Variants in PXDN observed in about 807,000 individuals in gnomAD.
PXDN encodes peroxidasin homolog.
In PXDN, 77 loss-of-function variants were observed where a neutral mutation model predicts 140.3. The ratio of observed to expected loss-of-function variants is 0.55; its 90% CI spans 0.46 to 0.66. The LOEUF is 0.66. PXDN is among the 30% of genes least tolerant of loss of function. PXDN has a pLI of 0.00. For synonymous variants in PXDN, 911 were observed against 857.4 expected (o/e 1.06, Z -1.09); for missense variants, 1,838 against 2,039.5 (o/e 0.90, Z 1.90).
At chr2:1,709,034 A>G (rs1356698224) in intron 1 of PXDN, among the ~76,000 whole-genome samples, 1 of 152,128 alleles carries the variant, frequency 6.6e-6, no homozygotes, top group African/African-American at 2.4e-5. Context: ...TCACCGCGGG[A>G]GGGAGCTGGT....
At chr2:1,634,768 T>C (rs1682505377) in intron 22 of PXDN, among the ~76,000 whole-genome samples, 1 of 152,146 alleles carries the variant, frequency 6.6e-6, no homozygotes, top group South Asian at 2.1e-4. Context: ...CCTGACCAGC[T>C]CAGGGACACT....
Position 1,743,682 on chromosome 2 carries a change from AGGG to A in PXDN, c.200+571_200+573del, listed in dbSNP as rs1216823178. On this transcript the variant is annotated intron_variant, in intron 1 of 22. Transcript: ENST00000252804. ...GGAGGGGAAGGGAGGAGGAGGAGGAAGGGGAGGAGGAGGAGGAAGGGGAGGAGG... is the reference window on the plus strand; with the variant it reads ...GGAGGGGAAGGGAGGAGGAGGAGGAAGAGGAGGAGGAGGAAGGGGAGGAGG... Among the ~76,000 whole-genome samples, 9 of 16,812 alleles carry A rather than the reference AGGG, an allele frequency of 5.4e-4. No individual in the cohort carries two copies. The East Asian group carries it at 8.1e-3, about 15-fold the overall frequency. 11.0% of individuals were successfully genotyped at this position (16,812 alleles called of 152,430 possible).
At position 1,725,486 on chromosome 2, in the gene PXDN, C is replaced by T. The variant is rs540227202; in HGVS notation, c.200+18770G>A. On this transcript the variant is annotated intron_variant, in intron 1 of 22. Coordinates refer to ENST00000252804, the MANE Select transcript of PXDN (RefSeq NM_012293.3). ...AACCATAAAAACCCTAGAAGAAAAC[C>T]TAGGCATTACCATTCAGGACATAGG... Among the ~76,000 whole-genome samples the T allele has an allele frequency of 2.6e-3, 388 of 151,810 alleles. 4 individuals are homozygous for T. The highest frequency in any genetic ancestry group is 5.0e-3 in the East Asian group (26 of 5,156).
rs1186686093 is a variant in PXDN at position 1,658,473 on chromosome 2, T to C, written c.1837+2408A>G. 2.6e-5 allele frequency among the ~76,000 whole-genome samples: 4 copies of C among 151,728 alleles called. No individual in the cohort carries two copies. In the South Asian group the frequency reaches 6.2e-4, roughly 24 times the overall value. On this transcript the variant is annotated intron_variant, in intron 14 of 22. Transcript: ENST00000252804. ...TGCCAGGCCCCCTCAGATCTGCTAC[T>C]GGCCACGAGCCCAGGGACCAGCCCC...
Position 1,634,219 on chromosome 2 carries a change from C to A in PXDN, c.4425G>T (p.Ala1475=). 6.3e-7 allele frequency: 1 copy of A among 1,591,222 alleles called. No individual in the cohort carries two copies. Among genetic ancestry groups the A allele is most frequent in the East Asian group, 2.3e-5 (1 of 43,842 alleles). ...ACCPVCLQKR[A]EEKP is the part of the protein sequence containing the mutation. ...TCCCAGGAGCCTAGGGCTTTTCCTC[C>A]GCCCTCTTCTGTAAGCAGACTGGAC... Residue 1475 remains alanine (A), a synonymous_variant, in exon 23 of 23, where the codon GCG becomes GCT. Coordinates refer to ENST00000252804, the MANE Select transcript of PXDN (RefSeq NM_012293.3).
At chr2:1,664,381 G>C (rs1319112426) in intron 11 of PXDN, 1 of 156,882 alleles carries the variant, frequency 6.4e-6, no homozygotes. Context: ...AGCAGTTTCA[G>C]CTCCTGCCCT....
At chr2:1,661,672 T>C (rs779454759) in intron 13 of PXDN, among the ~76,000 whole-genome samples, 1 of 152,184 alleles carries the variant, frequency 6.6e-6, no homozygotes, top group Non-Finnish European at 1.5e-5. Context: ...CACATTTTCC[T>C]ACTGAGCTTA....
intron 6 of PXDN, 110 bp downstream of exon 6, chr2:1,683,546 A>AC: frequency 2.3e-6 from 1 of 434,334 alleles, no homozygotes; most frequent in Non-Finnish European, 3.5e-6. Context: ...ATTCTTTCAG[A>AC]ATCAGATTGT....
rs1452395781 is a variant in PXDN, at chr2:1,642,715, T to C, written c.3952+653A>G. On this transcript the variant is annotated intron_variant, in intron 19 of 22. Coordinates refer to ENST00000252804, the MANE Select transcript of PXDN (RefSeq NM_012293.3). ...GTTAACCAAGACTGGGAGTTAGGAA[T>C]GCGAAGCAGGAACTCAGCCAGGAGA... Among the ~76,000 whole-genome samples, 3 of 152,224 alleles carry C rather than the reference T, an allele frequency of 2.0e-5. No homozygotes were observed. In the East Asian group the frequency reaches 5.8e-4, roughly 29 times the overall value.
In PXDN at chr2:1,648,448, T is replaced by G; in HGVS notation, c.3332A>C (p.Glu1111Ala). 1 of 1,610,564 alleles carries G rather than the reference T, an allele frequency of 6.2e-7. No individual in the cohort carries two copies. The highest frequency in any genetic ancestry group is 1.1e-5 in the South Asian group (1 of 91,068). ...AFFSPFRIVN[E>A]GGIDPLLRGL... Reference sequence around the variant, plus strand: ...CCTGAGAAGCGGATCGATGCCGCCCTCATTCACAATCCGGAAGGGAGAGAA... The same window carrying G: ...CCTGAGAAGCGGATCGATGCCGCCCGCATTCACAATCCGGAAGGGAGAGAA... Residue 1111 changes from glutamate (E) to alanine (A), a missense_variant, in exon 17 of 23, where the codon GAG becomes GCG. Coordinates refer to ENST00000252804, the MANE Select transcript of PXDN (RefSeq NM_012293.3). This position sits in a 1 kb window ranked among gnomAD's most constrained non-coding sequence, Gnocchi z 8.9.
chr2:1,665,106 T>C (rs779070762), intron 10 of PXDN, 32 bp from the exon 11 acceptor site: 20 of 1,499,950 alleles, frequency 1.3e-5, no homozygotes, highest in Non-Finnish European at 1.6e-5. Context: ...AAACAGGACA[T>C]GTAAAAAACA....
At position 1,649,200 on chromosome 2, in the gene PXDN, G is replaced by T; in HGVS notation, c.2580C>A (p.Val860=). Residue 860 remains valine, a synonymous_variant, in exon 17 of 23, where the codon GTC becomes GTA. Transcript: ENST00000252804. This position sits in a 1 kb window ranked among gnomAD's most constrained non-coding sequence, Gnocchi z 7.1. The part of the protein sequence containing the change: ...VCSNDPPCFS[V]MIPPNDSRAR... ...CCCGGGAGTCATTGGGGGGGATCAT[G>T]ACAGAGAAGCAGGGGGGGTCGTTGC... The T allele has an allele frequency of 6.5e-7, 1 of 1,540,282 alleles. No individual in the cohort carries two copies.
At chr2:1,637,265 A>G (rs1420682976) in intron 21 of PXDN, among the ~76,000 whole-genome samples, 4 of 152,306 alleles carry the variant, frequency 2.6e-5, no homozygotes, top group African/African-American at 9.6e-5. Context: ...CCCAAGGGTC[A>G]GCCTGGGTTT....
intron 8 of PXDN, 35 bp from the exon 9 acceptor site, chr2:1,673,847 GA>G: frequency 6.2e-7 from 1 of 1,610,210 alleles, no homozygotes; most frequent in Non-Finnish European, 8.5e-7. Context: ...GTCAAGTGTT[GA>G]AAGCACAAAG....
chr2:1,677,108 C>A, intron 7 of PXDN, 64 bp from the exon 8 acceptor site: 1 of 1,394,572 alleles, frequency 7.2e-7, no homozygotes, highest in South Asian at 1.4e-5. Flanking sequence ...TAAATGACAA[C>A]ACACGCTGAG....
chr2:1,719,869 TGTGTGA>T lies in PXDN; in HGVS notation c.200+24381_200+24386del, dbSNP rs879321318. Reference sequence around the variant, plus strand: ...GTGTGTGTGTGTGTGTGTGTGTGTGTGTGTGAAAGAGAGAGAGGGAGGGAGATTCAG... The same window carrying T: ...GTGTGTGTGTGTGTGTGTGTGTGTGTAAGAGAGAGAGGGAGGGAGATTCAG... On this transcript the variant is annotated intron_variant, in intron 1 of 22. Coordinates refer to ENST00000252804, the MANE Select transcript of PXDN (RefSeq NM_012293.3). Among the ~76,000 whole-genome samples the T allele has an allele frequency of 9.3e-3, 1,347 of 144,270 alleles. 21 individuals carry two copies. Among genetic ancestry groups the T allele is most frequent in the Non-Finnish European group, 0.015 (970 of 65,974 alleles). 94.6% of individuals were successfully genotyped at this position (144,270 alleles called of 152,430 possible). A position where few individuals can be genotyped will look rare whatever the true frequency, so the allele number is the denominator to read the frequency against.
chr2:1,719,904 G>T (rs1236469801), intron 1 of PXDN, among the ~76,000 whole-genome samples: 1 of 119,214 alleles, frequency 8.4e-6, no homozygotes, highest in Non-Finnish European at 1.8e-5. Context: ...GATTCAGAGA[G>T]AGAGGGAGGG....
chr2:1,720,117 T>G (rs1305343303), intron 1 of PXDN, among the ~76,000 whole-genome samples: 4 of 8,404 alleles, frequency 4.8e-4, no homozygotes, highest in East Asian at 8.1e-3. Context: ...GAGGGAGGGA[T>G]GCAGAGAGAG....
In PXDN at chr2:1,632,317, TC is replaced by T. The variant is rs1682430839; in HGVS notation, c.*1886del. 6.6e-6 allele frequency: 1 copy of T among 152,124 alleles called. No individual in the cohort carries two copies. The highest frequency in any genetic ancestry group is 6.5e-5 in the Admixed American group (1 of 15,286). The allele number at this position is 152,124 out of a possible 1,614,324, so 9.4% of individuals were successfully genotyped here. On this transcript the variant is annotated 3_prime_UTR_variant, in exon 23 of 23. Transcript: ENST00000252804. This position sits in a 1 kb window ranked among gnomAD's most constrained non-coding sequence, Gnocchi z 4.3. ...AGGGCATGTAAGAGGCACAGAACACTCCCAGAACCCAGAATCTGCTGTCATC... is the reference window on the plus strand; with the variant it reads ...AGGGCATGTAAGAGGCACAGAACACTCCAGAACCCAGAATCTGCTGTCATC...
Sources: allele counts gnomAD v4.1 joint callset (sites outside exome capture counted in the v4.1 genomes callset), GRCh38; gene constraint gnomAD v4.1.1; non-coding constraint Gnocchi (gnomAD v3.1); transcripts MANE v1.5; gene names NCBI Gene and HGNC (gene_info 2026-07-23, HGNC 2026-07-21).